Variants in CAT observed in about 807,000 individuals in gnomAD.
CAT encodes the protein catalase.
In CAT, 43 loss-of-function variants were observed where a neutral mutation model predicts 59.0. The ratio of observed to expected loss-of-function variants is 0.73; its 90% CI spans 0.57 to 0.94. The LOEUF (loss-of-function observed/expected upper bound fraction) is 0.94, where lower values mean the gene tolerates loss of function less well. Ranked by LOEUF, CAT falls within the 40% of genes least tolerant of loss-of-function variation. The pLI is 0.00. For missense variants in CAT, 664 were observed against 682.9 expected (o/e 0.97, Z 0.31); for synonymous variants, 218 against 230.9 (o/e 0.94, Z 0.51).
At chr11:34,456,375 C>T (rs772728432) in intron 7 of CAT, among the ~76,000 whole-genome samples, 173 bp downstream of exon 7, 7 of 152,176 alleles carry the variant, frequency 4.6e-5, no homozygotes, top group Non-Finnish European at 7.3e-5. Context: ...CTTACTTCCA[C>T]GTTCCTGTTT....
chr11:34,460,793 T>G, intron 8 of CAT: 1 of 244,590 alleles, frequency 4.1e-6, no homozygotes. Flanking sequence ...TGCTGTTGGT[T>G]TTGTAGAAAT....
chr11:34,453,662 T>C, intron 5 of CAT, 139 bp from the exon 6 acceptor site: 2 of 740,460 alleles, frequency 2.7e-6, no homozygotes, highest in South Asian at 3.1e-5. Flanking sequence ...GAAATAATAA[T>C]GGTAACCCTT....
chr11:34,465,057 A>T (rs4755374), intron 10 of CAT, among the ~76,000 whole-genome samples: 1 of 152,126 alleles, frequency 6.6e-6, no homozygotes, highest in Admixed American at 6.5e-5. Context: ...GCTATGAAGG[A>T]GGCCCTTGGA....
chr11:34,468,360 C>A lies in CAT; in HGVS notation c.1399C>A (p.Leu467Met). Residue 467 changes from leucine (L) to methionine (M), a missense_variant, in exon 11 of 13, where the codon CTG becomes ATG. Transcript: ENST00000241052. ...KRLCENIAGH[L>M]KDAQIFIQKK... is the part of the protein sequence containing the mutation. ...TCTGTGTGAGAACATTGCCGGCCACCTGAAGGATGCACAAATTTTCATCCA... is the reference window on the plus strand; with the variant it reads ...TCTGTGTGAGAACATTGCCGGCCACATGAAGGATGCACAAATTTTCATCCA... 3.1e-6 allele frequency: 5 copies of A among 1,614,030 alleles called. No homozygotes were observed. Among genetic ancestry groups the A allele is most frequent in the Non-Finnish European group, 4.2e-6 (5 of 1,179,950 alleles).
chr11:34,444,829 C>CT (rs1856430404), intron 1 of CAT, among the ~76,000 whole-genome samples: 1 of 152,176 alleles, frequency 6.6e-6, no homozygotes, highest in East Asian at 1.9e-4. Flanking sequence ...CCAAAAGAAG[C>CT]CTATAAAGGC....
At position 34,464,127 on chromosome 11, in the gene CAT, C is replaced by A; in HGVS notation, c.1218C>A (p.Pro406=). 6.2e-7 allele frequency: 1 copy of A among 1,614,130 alleles called. No homozygotes were observed. The highest frequency in any genetic ancestry group is 1.1e-5 in the South Asian group (1 of 91,070). Residue 406 remains proline, a synonymous_variant, in exon 10 of 13, where the codon CCC becomes CCA. Coordinates refer to ENST00000241052, the MANE Select transcript of CAT (RefSeq NM_001752.4). ...DNQGGAPNYY[P]NSFGAPEQQP... ...AAGGTGGTGCTCCAAATTACTACCC[C>A]AACAGCTTTGGTGCTCCGGAACAAC...
rs1421482266 is a variant in CAT at position 34,455,950 on chromosome 11, A to C, written c.712-61A>C. On this transcript the variant is annotated intron_variant, in intron 6 of 12. Transcript: ENST00000241052. ...CTCATAATCCTTCAATGAATTACTG[A>C]TGAAATTTTGATAACTTTGACAATA... 7 of 1,426,278 alleles carry C rather than the reference A, an allele frequency of 4.9e-6. No individual in the cohort carries two copies. In the African/African-American group the frequency reaches 8.4e-5, roughly 17 times the overall value. The allele number at this position is 1,426,278 out of a possible 1,614,324, so 88.4% of individuals were successfully genotyped here. A position where few individuals can be genotyped will look rare whatever the true frequency, so the allele number is the denominator to read the frequency against.
intron 8 of CAT, among the ~76,000 whole-genome samples, chr11:34,458,917 A>G (rs543032399): frequency 1.3e-5 from 2 of 152,364 alleles, no homozygotes; most frequent in Admixed American, 1.3e-4. Context: ...CTGAAAAAGG[A>G]TGACAAGTAG....
At chr11:34,456,969 T>G in intron 8 of CAT, 152 bp downstream of exon 8, 1 of 772,202 alleles carries the variant, frequency 1.3e-6, no homozygotes, top group Admixed American at 2.1e-5. Flanking sequence ...TGGGATTCAC[T>G]GAGGTGAACT....
intron 10 of CAT, among the ~76,000 whole-genome samples, chr11:34,465,561 T>C (rs1856704967): frequency 6.6e-6 from 1 of 152,202 alleles, no homozygotes; most frequent in South Asian, 2.1e-4. Flanking sequence ...AATGAGGCTA[T>C]TGCTTACACA....
intron 11 of CAT, among the ~76,000 whole-genome samples, chr11:34,469,671 G>A (rs1175817308): frequency 6.9e-6 from 1 of 145,742 alleles, no homozygotes; most frequent in Non-Finnish European, 1.5e-5. Flanking sequence ...GGTTGTGTGG[G>A]TTTTTTTTTT....
chr11:34,462,417 T>TATTTTTCTTC (rs1856662089), intron 9 of CAT, among the ~76,000 whole-genome samples: 1 of 152,152 alleles, frequency 6.6e-6, no homozygotes, highest in South Asian at 2.1e-4. Flanking sequence ...CATTTTGCTA[T>TATTTTTCTTC]ATTTATTTAT....
At chr11:34,468,145 C>T in intron 10 of CAT, 143 bp from the exon 11 acceptor site, 1 of 709,732 alleles carries the variant, frequency 1.4e-6, no homozygotes, top group Non-Finnish European at 2.5e-6. Context: ...AAGTGAAGGA[C>T]ACAACCCAAA....
chr11:34,457,204 CTTTTTTTT>C (rs899442681), intron 8 of CAT, among the ~76,000 whole-genome samples: 59 of 66,166 alleles, frequency 8.9e-4, no homozygotes, highest in African/African-American at 3.4e-3. Flanking sequence ...TTTTCTTGTT[CTTTTTTTT>C]TTTTTTTTTT....
At chr11:34,443,507 T>C (rs879820581) in intron 1 of CAT, among the ~76,000 whole-genome samples, 3 of 152,152 alleles carry the variant, frequency 2.0e-5, no homozygotes, top group Non-Finnish European at 2.9e-5. Flanking sequence ...AATGGGAACT[T>C]TATTGCTCAC....
intron 11 of CAT, among the ~76,000 whole-genome samples, chr11:34,468,781 A>G (rs1187080913): frequency 5.9e-5 from 9 of 152,204 alleles, no homozygotes; most frequent in African/African-American, 2.2e-4. Context: ...GTGTGATGGC[A>G]TGCACCTGTA....
chr11:34,469,392 C>A (rs1395200664), intron 11 of CAT, among the ~76,000 whole-genome samples: 2 of 152,210 alleles, frequency 1.3e-5, no homozygotes, highest in Non-Finnish European at 2.9e-5. Context: ...ATTCTCCTTT[C>A]ACATATGCTG....
chr11:34,459,876 C>A (rs954311515), intron 8 of CAT, among the ~76,000 whole-genome samples: 1 of 152,232 alleles, frequency 6.6e-6, no homozygotes, highest in Non-Finnish European at 1.5e-5. Flanking sequence ...CAGCTTCCAA[C>A]CTATAGCTGA....
chr11:34,449,068 G>C (rs1564961644), intron 1 of CAT, 124 bp from the exon 2 acceptor site: 1 of 853,940 alleles, frequency 1.2e-6, no homozygotes. Context: ...TTAGTACTTT[G>C]GACACAGGAA....
Sources: allele counts gnomAD v4.1 joint callset (sites outside exome capture counted in the v4.1 genomes callset), GRCh38; gene constraint gnomAD v4.1.1; transcripts MANE v1.5; gene names NCBI Gene and HGNC (gene_info 2026-07-23, HGNC 2026-07-21).